The following OPRD1 variants were observed in gnomAD, a reference collection of about 807,000 sequenced individuals.
OPRD1 encodes opioid receptor delta 1, also known as delta-type opioid receptor.
In OPRD1, 19 loss-of-function variants were observed where a neutral mutation model predicts 17.5. The ratio of observed to expected loss-of-function variants is 1.09; its 90% confidence interval spans 0.76 to 1.60. The LOEUF (loss-of-function observed/expected upper bound fraction) is 1.60. Ranked by LOEUF, OPRD1 falls within the 40% of genes most tolerant of loss-of-function variation. The probability of loss-of-function intolerance (pLI) is 0.00; values close to 1 mark genes in which losing one functional copy is unlikely to be tolerated. For missense variants in OPRD1, 483 were observed against 547.2 expected (o/e 0.88, Z 1.17); for synonymous variants, 256 against 240.9 (o/e 1.06, Z -0.58).
intron 2 of OPRD1, 139 bp from the exon 3 acceptor site, chr1:28,862,603 C>A: frequency 1.3e-6 from 1 of 756,078 alleles, no homozygotes; most frequent in Non-Finnish European, 2.1e-6. Flanking sequence ...ACACTCCAGA[C>A]AGAAGAATCC....
chr1:28,858,982 A>T lies in OPRD1; in HGVS notation c.256A>T (p.Ile86Phe), dbSNP rs1233408686. Residue 86 changes from isoleucine (I) to phenylalanine (F), a missense_variant, in exon 2 of 3, where the codon ATC (isoleucine) becomes TTC (phenylalanine). By Grantham distance (21) the Ile-to-Phe change is conservative (BLOSUM62 0). Coordinates refer to ENST00000234961, the MANE Select transcript of OPRD1 (RefSeq NM_000911.4). ...CACTAAGATGAAGACGGCCACCAACATCTACATCTTCAACCTGGCCTTAGC... is the reference window on the plus strand; with the variant it reads ...CACTAAGATGAAGACGGCCACCAACTTCTACATCTTCAACCTGGCCTTAGC... ...RYTKMKTATN[I>F]YIFNLALADA... 1 of 1,612,832 alleles carries T rather than the reference A, an allele frequency of 6.2e-7. No individual in the cohort carries two copies. The highest frequency in any genetic ancestry group is 1.7e-5 in the Admixed American group (1 of 60,022).
intron 1 of OPRD1, among the ~76,000 whole-genome samples, chr1:28,830,843 G>T (rs908883046): frequency 2.0e-5 from 3 of 152,246 alleles, no homozygotes; most frequent in Non-Finnish European, 2.9e-5. Context: ...AACAGCAAGG[G>T]CAAAGGTTAA....
At chr1:28,815,548 AAC>A (rs1356964890) in intron 1 of OPRD1, among the ~76,000 whole-genome samples, 1 of 152,172 alleles carries the variant, frequency 6.6e-6, no homozygotes, top group Non-Finnish European at 1.5e-5. Context: ...TTCCCCAGTG[AAC>A]AGTGAACGAG....
intron 1 of OPRD1, among the ~76,000 whole-genome samples, chr1:28,834,298 T>A (rs140586650): frequency 6.6e-6 from 1 of 152,098 alleles, no homozygotes; most frequent in African/African-American, 2.4e-5. Context: ...GGGCAGGAAC[T>A]GTGTCACATT....
Position 28,812,226 on chromosome 1 carries a change from G to T in OPRD1, c.-158G>T. 3.7e-6 allele frequency: 1 copy of T among 266,780 alleles called. No homozygotes were observed. The highest frequency in any genetic ancestry group is 6.2e-6 in the Non-Finnish European group (1 of 162,202). 16.5% of individuals were successfully genotyped at this position (266,780 alleles called of 1,614,324 possible). Reference sequence around the variant, plus strand: ...GCCGGGGGCTGGGCCGGTGCGGGCGGCGAGGCAGGCGGACGAGGCGCAGAG... The same window carrying T: ...GCCGGGGGCTGGGCCGGTGCGGGCGTCGAGGCAGGCGGACGAGGCGCAGAG... On this transcript the variant is annotated 5_prime_UTR_variant, in exon 1 of 3. Coordinates refer to ENST00000234961, the MANE Select transcript of OPRD1 (RefSeq NM_000911.4).
chr1:28,851,524 G>T (rs148081667), intron 1 of OPRD1, among the ~76,000 whole-genome samples: 22 of 152,330 alleles, frequency 1.4e-4, no homozygotes, highest in Admixed American at 5.9e-4. Context: ...TGCTCTAGCC[G>T]AGGAGGACAG....
At chr1:28,817,247 A>G (rs933218707) in intron 1 of OPRD1, among the ~76,000 whole-genome samples, 1 of 152,092 alleles carries the variant, frequency 6.6e-6, no homozygotes, top group African/African-American at 2.4e-5. Flanking sequence ...CTTCATCGGG[A>G]AGATGTGGGT....
chr1:28,856,310 T>G (rs899470008), intron 1 of OPRD1, among the ~76,000 whole-genome samples: 2 of 152,222 alleles, frequency 1.3e-5, no homozygotes, highest in African/African-American at 4.8e-5. Context: ...TAAGAATCAC[T>G]TGGGGTGAGG....
intron 1 of OPRD1, among the ~76,000 whole-genome samples, chr1:28,829,952 T>G (rs1469664481): frequency 1.3e-5 from 2 of 151,744 alleles, no homozygotes; most frequent in Non-Finnish European, 2.9e-5. Flanking sequence ...CAAGCAATCC[T>G]TCCAGCTCAG....
At chr1:28,819,197 C>T (rs982819833) in intron 1 of OPRD1, among the ~76,000 whole-genome samples, 1 of 152,024 alleles carries the variant, frequency 6.6e-6, no homozygotes, top group African/African-American at 2.4e-5. Context: ...AGGCAGGAAG[C>T]TGTGCATGGT....
At chr1:28,848,301 C>T (rs1034910668) in intron 1 of OPRD1, among the ~76,000 whole-genome samples, 1 of 152,032 alleles carries the variant, frequency 6.6e-6, no homozygotes, top group African/African-American at 2.4e-5. Context: ...GGAGTTAGGG[C>T]TTCAGTATAT....
chr1:28,819,225 T>C (rs1439312243), intron 1 of OPRD1, among the ~76,000 whole-genome samples: 1 of 151,848 alleles, frequency 6.6e-6, no homozygotes, highest in Non-Finnish European at 1.5e-5. Context: ...GCCTGTAATC[T>C]CAGCTATTCA....
chr1:28,837,445 C>T (rs754328648), intron 1 of OPRD1, among the ~76,000 whole-genome samples: 20 of 151,972 alleles, frequency 1.3e-4, no homozygotes, highest in Admixed American at 9.2e-4. Context: ...GTCAGGAGAT[C>T]GAGACCAGCC....
At chr1:28,854,997 G>A (rs1407484829) in intron 1 of OPRD1, among the ~76,000 whole-genome samples, 5 of 152,136 alleles carry the variant, frequency 3.3e-5, no homozygotes, top group African/African-American at 1.2e-4. Context: ...CAAGGGTACA[G>A]CAGGGAACAA....
chr1:28,863,045 C>A lies in OPRD1; in HGVS notation c.881C>A (p.Pro294Gln), dbSNP rs762253484. The A allele has an allele frequency of 6.2e-7, 1 of 1,605,904 alleles. No individual in the cohort carries two copies. The highest frequency in any genetic ancestry group is 2.2e-5 in the East Asian group (1 of 44,522). Residue 294 changes from proline to glutamine, a missense_variant, in exon 3 of 3, where the codon CCG becomes CAG. Physicochemically the swap from Pro to Gln is moderately conservative, Grantham distance 76 (BLOSUM62 -1). Coordinates refer to ENST00000234961, the MANE Select transcript of OPRD1 (RefSeq NM_000911.4). ...CTGGTGGACATCGACCGGCGCGACCCGCTGGTGGTGGCTGCGCTGCACCTG... is the reference window on the plus strand; with the variant it reads ...CTGGTGGACATCGACCGGCGCGACCAGCTGGTGGTGGCTGCGCTGCACCTG... ...WTLVDIDRRD[P>Q]LVVAALHLCI...
chr1:28,814,477 G>A (rs891789025), intron 1 of OPRD1, among the ~76,000 whole-genome samples: 1 of 152,214 alleles, frequency 6.6e-6, no homozygotes, highest in African/African-American at 2.4e-5. Flanking sequence ...TTGTCCTAAG[G>A]TGGGCCTGAG....
intron 1 of OPRD1, among the ~76,000 whole-genome samples, chr1:28,815,630 C>T (rs571352457): frequency 9.9e-5 from 15 of 152,278 alleles, no homozygotes; most frequent in Admixed American, 3.3e-4. Flanking sequence ...GTGGGGAGAG[C>T]GCAGCCCGGG....
At chr1:28,818,467 A>C (rs1215023345) in intron 1 of OPRD1, among the ~76,000 whole-genome samples, 3 of 152,122 alleles carry the variant, frequency 2.0e-5, no homozygotes, top group African/African-American at 4.8e-5. Context: ...ATGCCTGTGC[A>C]TCATGGAGGG....
intron 1 of OPRD1, among the ~76,000 whole-genome samples, chr1:28,817,221 G>A (rs977747073): frequency 3.9e-5 from 6 of 152,120 alleles, no homozygotes; most frequent in East Asian, 1.9e-4. Context: ...AAGCCGGATC[G>A]CCTCACTGCA....
Sources: allele counts gnomAD v4.1 joint callset (sites outside exome capture counted in the v4.1 genomes callset), GRCh38; gene constraint gnomAD v4.1.1; transcripts MANE v1.5; gene names NCBI Gene and HGNC (gene_info 2026-07-23, HGNC 2026-07-21).